Variants in MACF1 observed in about 807,000 individuals in gnomAD.
MACF1 encodes the protein microtubule actin crosslinking factor 1.
MACF1 carries 193 observed loss-of-function variants against 854.8 expected under a neutral mutation model. The ratio of observed to expected loss-of-function variants is 0.23; its 90% confidence interval spans 0.20 to 0.25. MACF1 has a LOEUF of 0.25. Ranked by LOEUF, MACF1 falls within the 10% of genes least tolerant of loss-of-function variation. The pLI is 1.00. For missense variants in MACF1, 7,722 were observed against 8,929.1 expected (o/e 0.86, Z 5.45); for synonymous variants, 3,185 against 3,226.7 (o/e 0.99, Z 0.44).
intron 2 of MACF1, among the ~76,000 whole-genome samples, chr1:39,171,707 C>T (rs1040612738): frequency 6.6e-6 from 1 of 152,152 alleles, no homozygotes; most frequent in Non-Finnish European, 1.5e-5. Context: ...CTCACTGCAA[C>T]CTCTGCCTCT....
chr1:39,199,302 T>G (rs2148259102), intron 2 of MACF1, among the ~76,000 whole-genome samples: 1 of 151,630 alleles, frequency 6.6e-6, no homozygotes, highest in South Asian at 2.1e-4. Context: ...ACAGAATTTT[T>G]TAACAAAGGG....
intron 1 of MACF1, among the ~76,000 whole-genome samples, chr1:39,226,586 G>A (rs1305277005): frequency 2.0e-5 from 3 of 151,994 alleles, no homozygotes; most frequent in South Asian, 2.1e-4. Flanking sequence ...TGATCCACCC[G>A]CCTCAGCCTC....
At chr1:39,466,652 C>G (rs1295907470) in intron 95 of MACF1, among the ~76,000 whole-genome samples, 1 of 152,180 alleles carries the variant, frequency 6.6e-6, no homozygotes, top group East Asian at 1.9e-4. Flanking sequence ...CAGAACCTCC[C>G]ACAGGGCTTC....
rs371375914 is a variant in MACF1 at position 39,225,659 on chromosome 1, CTTGT to C, written c.110-5516_110-5513del. On this transcript the variant is annotated intron_variant, in intron 1 of 100. Transcript: ENST00000564288. The stretch of plus-strand genomic sequence containing the variant: ...GCTGGTGGTGGGGAGTGGGCTCTCT[CTTGT>C]TTGTTTATAGCCTTTGGTGGGGCTG... Among the ~76,000 whole-genome samples, 35 of 152,292 alleles carry C rather than the reference CTTGT, an allele frequency of 2.3e-4. No individual in the cohort carries two copies. The East Asian group carries it at 6.6e-3, about 29-fold the overall frequency.
chr1:39,457,030 T>C (rs902282817), intron 89 of MACF1: 3 of 152,376 alleles, frequency 2.0e-5, no homozygotes, highest in African/African-American at 7.2e-5. Context: ...TTCATCAGTG[T>C]TGTTCCCTGA....
chr1:39,411,645 C>T (rs768720841), intron 58 of MACF1: 14 of 1,613,922 alleles, frequency 8.7e-6, no homozygotes, highest in Non-Finnish European at 1.2e-5. Context: ...AGCTCTCTGA[C>T]ACAGACTCAG....
In MACF1 at chr1:39,414,594, G is replaced by A. The variant is rs769274479; in HGVS notation, c.15817-7780G>A. ...TTCTTTTGTTCTTTTTGGGTCTCCC[G>A]GGCTTATAGTTTGTAGTCTTTCTGT... On this transcript the variant is annotated intron_variant, in intron 58 of 100. Transcript: ENST00000564288. 1.9e-5 allele frequency: 28 copies of A among 1,472,308 alleles called. 1 individual carries two copies. Among genetic ancestry groups the A allele is most frequent in the East Asian group, 9.2e-5 (4 of 43,658 alleles). The allele number at this position is 1,472,308 out of a possible 1,614,324, so 91.2% of individuals were successfully genotyped here. A position where few individuals can be genotyped will look rare whatever the true frequency, so the allele number is the denominator to read the frequency against.
intron 2 of MACF1, among the ~76,000 whole-genome samples, chr1:39,132,031 A>G (rs1643018255): frequency 1.3e-5 from 2 of 152,200 alleles, no homozygotes; most frequent in Non-Finnish European, 2.9e-5. Flanking sequence ...ACTACCTTGG[A>G]CAAGGCACTG....
chr1:39,395,476 T>C (rs1338460005), intron 58 of MACF1, among the ~76,000 whole-genome samples: 1 of 152,260 alleles, frequency 6.6e-6, no homozygotes, highest in Non-Finnish European at 1.5e-5. Context: ...TGTGTCTGGC[T>C]TAACACCTCC....
In MACF1 at chr1:39,335,557, A is replaced by G; in HGVS notation, c.8969A>G (p.Lys2990Arg). The change falls in exon 37 of 101, where the codon AAA becomes AGA. Residue 2990 changes from lysine to arginine, a missense_variant. Transcript: ENST00000564288. Reference sequence around the variant, plus strand: ...GTAGAAGAAAGTATCAGAACATGCAAACCAGCATTTCTTTCTGAAGAAAAG... The same window carrying G: ...GTAGAAGAAAGTATCAGAACATGCAGACCAGCATTTCTTTCTGAAGAAAAG... Reference protein sequence around the residue: ...VIVEESIRTCKPAFLSEEKLY... With the variant: ...VIVEESIRTCRPAFLSEEKLY... 5 of 1,614,218 alleles carry G rather than the reference A, an allele frequency of 3.1e-6. No homozygotes were observed. Among genetic ancestry groups the G allele is most frequent in the Non-Finnish European group, 4.2e-6 (5 of 1,180,024 alleles).
chr1:39,252,597 A>G (rs1489252668), intron 4 of MACF1, among the ~76,000 whole-genome samples: 1 of 151,774 alleles, frequency 6.6e-6, no homozygotes, highest in African/African-American at 2.4e-5. Flanking sequence ...ATCTTTTTCC[A>G]GAAACAAGGA....
At chr1:39,244,801 A>G (rs151286488) in intron 2 of MACF1, among the ~76,000 whole-genome samples, 4,580 of 151,662 alleles carry the variant, frequency 0.03, 233 homozygotes, top group African/African-American at 0.1. Context: ...CTGGTCTCAA[A>G]CTCCTGACCT....
At chr1:39,277,447 A>T (rs1403461359) in intron 6 of MACF1, among the ~76,000 whole-genome samples, 2 of 152,220 alleles carry the variant, frequency 1.3e-5, no homozygotes, top group Non-Finnish European at 2.9e-5. Flanking sequence ...ATATGTGTAT[A>T]TGTGTAAATA....
intron 29 of MACF1, 129 bp from the exon 30 acceptor site, chr1:39,318,324 C>T (rs761243598): frequency 3.9e-6 from 3 of 776,898 alleles, no homozygotes; most frequent in Admixed American, 2.5e-5. Flanking sequence ...ATCGCTGTTC[C>T]CCGTAGATAA....
Position 39,295,142 on chromosome 1 carries a change from A to G in MACF1, c.2251A>G (p.Thr751Ala), listed in dbSNP as rs770241001. The G allele has an allele frequency of 6.2e-7, 1 of 1,613,754 alleles. No individual in the cohort carries two copies. The highest frequency in any genetic ancestry group is 1.1e-5 in the South Asian group (1 of 91,080). Residue 751 changes from threonine (T) to alanine (A), a missense_variant, in exon 19 of 101, where the codon ACA becomes GCA. By Grantham distance (58) the Thr-to-Ala change is moderately conservative (BLOSUM62 0). Coordinates refer to ENST00000564288, the MANE Select transcript of MACF1 (RefSeq NM_001394062.1). Reference sequence around the variant, plus strand: ...ACTTGAGAACCACCCAGCCAAGCAGACAGTGGAGGTGTGTGACTTGAGAAT... The same window carrying G: ...ACTTGAGAACCACCCAGCCAAGCAGGCAGTGGAGGTGTGTGACTTGAGAAT... The part of the protein sequence containing the change: ...LSLENHPAKQ[T>A]VEAYSAAVQS...
Position 39,212,423 on chromosome 1 carries a change from G to A in MACF1, c.109+7292G>A, listed in dbSNP as rs17568547. On this transcript the variant is annotated intron_variant, in intron 1 of 100. Transcript: ENST00000564288. ...CCAAGACTCTACCCTACTTTTCTCA[G>A]TCTGCAGTGCCGTTAGGAGAAATAG... Among the ~76,000 whole-genome samples the A allele has an allele frequency of 5.0e-3, 767 of 152,218 alleles. 3 individuals carry two copies. The highest frequency in any genetic ancestry group is 8.6e-3 in the Non-Finnish European group (584 of 68,012).
At chr1:39,284,264 G>A (rs1645604632) in intron 10 of MACF1, 69 bp from the exon 11 acceptor site, 2 of 1,570,860 alleles carry the variant, frequency 1.3e-6, no homozygotes, top group East Asian at 4.5e-5. Context: ...CTGGCTTCTA[G>A]GTGAGGTGGT....
chr1:39,279,329 G>T (rs893158293), intron 6 of MACF1, among the ~76,000 whole-genome samples: 16 of 151,854 alleles, frequency 1.1e-4, no homozygotes, highest in South Asian at 2.1e-4. Context: ...TCTTTCTTCA[G>T]ACATCTTAGT....
chr1:39,217,780 TG>T (rs1006641938), intron 1 of MACF1, among the ~76,000 whole-genome samples: 3 of 143,042 alleles, frequency 2.1e-5, no homozygotes, highest in Non-Finnish European at 4.6e-5. Context: ...GGGGTGGGGT[TG>T]GGGGCGCGGC....
Sources: gnomAD v4.1 joint callset for allele counts (sites outside exome capture counted in the v4.1 genomes callset) on GRCh38, gnomAD v4.1.1 for gene constraint, MANE v1.5 for transcripts, NCBI Gene and HGNC (gene_info 2026-07-23, HGNC 2026-07-21) for gene names.